Variants in GAB3 observed in about 807,000 individuals in gnomAD.
GAB3 encodes GRB2 associated binding protein 3.
Under a neutral mutation model 40.4 loss-of-function variants are expected in GAB3, and 12 were observed. The observed-to-expected ratio is 0.30, with a 90% CI of 0.19 to 0.48. The LOEUF (loss-of-function observed/expected upper bound fraction) is 0.48, where lower values mean the gene tolerates loss of function less well. Among genes scored for constraint, GAB3 ranks in the 20% least tolerant of loss-of-function variants. GAB3 has a pLI of 0.99. For synonymous variants in GAB3, 154 were observed against 176.7 expected (o/e 0.87, Z 1.02); for missense variants, 381 against 461.9 (o/e 0.82, Z 1.61).
intron 1 of GAB3, among the ~76,000 whole-genome samples, chrX:154,741,639 G>A (rs1557261308): frequency 1.0e-5 from 1 of 95,340 alleles, no homozygotes; most frequent in East Asian, 3.2e-4. Context: ...TCATGTCACT[G>A]CACTCTAGCC....
chrX:154,745,636 A>C (rs1438890239), intron 1 of GAB3, among the ~76,000 whole-genome samples: 3 of 112,393 alleles, frequency 2.7e-5, no homozygotes, highest in African/African-American at 9.7e-5. Context: ...AAGGGAACAT[A>C]ATGAACAACT....
At chrX:154,707,896 A>G (rs782302175) in intron 4 of GAB3, among the ~76,000 whole-genome samples, 2 of 112,644 alleles carry the variant, frequency 1.8e-5, no homozygotes, top group African/African-American at 6.4e-5. Flanking sequence ...ACAGTTGACA[A>G]TAACATAAAA....
At chrX:154,716,812 A>G (rs1276720431) in intron 1 of GAB3, among the ~76,000 whole-genome samples, 11 of 111,968 alleles carry the variant, frequency 9.8e-5, no homozygotes, top group African/African-American at 3.3e-4. Flanking sequence ...AAGAAGGAAA[A>G]TCATACACAT....
chrX:154,692,694 A>G (rs1363870585), intron 8 of GAB3, among the ~76,000 whole-genome samples: 1 of 112,036 alleles, frequency 8.9e-6, no homozygotes, highest in Non-Finnish European at 1.9e-5. Context: ...AGGCTGAGGC[A>G]GGAGGATTGC....
chrX:154,678,073 G>A lies in GAB3; in HGVS notation c.*105C>T. On this transcript the variant is annotated 3_prime_UTR_variant, in exon 10 of 10. Transcript: ENST00000424127. ...ACATTCTCTCTTGGTTTTGACCTGT[G>A]TTGACCATCAGTGTGTTTTTAGTGG... The A allele has an allele frequency of 2.1e-6, 1 of 466,245 alleles. No homozygotes were observed. The highest frequency in any genetic ancestry group is 3.7e-6 in the Non-Finnish European group (1 of 270,058). 38.4% of individuals were successfully genotyped at this position (466,245 alleles called of 1,213,427 possible).
At chrX:154,718,464 T>C (rs1370126030) in intron 1 of GAB3, among the ~76,000 whole-genome samples, 2 of 111,526 alleles carry the variant, frequency 1.8e-5, no homozygotes, top group African/African-American at 6.5e-5. Flanking sequence ...TCCATGTTTT[T>C]AAGACAGGAA....
chrX:154,722,636 A>G (rs2071152069), intron 1 of GAB3, among the ~76,000 whole-genome samples: 1 of 112,396 alleles, frequency 8.9e-6, no homozygotes, highest in African/African-American at 3.2e-5. Context: ...ATATCTATGG[A>G]TTAAATGATA....
intron 1 of GAB3, among the ~76,000 whole-genome samples, chrX:154,720,423 G>A (rs1468819218): frequency 3.6e-5 from 4 of 110,497 alleles, no homozygotes; most frequent in Admixed American, 9.6e-5. Flanking sequence ...TCAGGAGATC[G>A]AGACCATCCT....
chrX:154,751,217 G>A (rs1372209429), upstream of GAB3: 26 of 239,443 alleles, frequency 1.1e-4, no homozygotes, highest in Admixed American at 7.0e-4. Flanking sequence ...CCAAGACGGC[G>A]GGAAAAGCAA....
At chrX:154,682,085 C>T (rs782439729) in intron 8 of GAB3, among the ~76,000 whole-genome samples, 3 of 112,050 alleles carry the variant, frequency 2.7e-5, no homozygotes, top group Admixed American at 1.9e-4. Flanking sequence ...TTAGGTTTAT[C>T]GCTAAATGCC....
At chrX:154,743,471 CTT>C (rs1345997839) in intron 1 of GAB3, among the ~76,000 whole-genome samples, 1 of 111,554 alleles carries the variant, frequency 9.0e-6, no homozygotes, top group Admixed American at 9.5e-5. Flanking sequence ...AGTTTTTTCT[CTT>C]TGTTTTAATT....
intron 8 of GAB3, 49 bp from the exon 9 acceptor site, chrX:154,680,297 G>T: frequency 1.0e-6 from 1 of 952,939 alleles, no homozygotes; most frequent in Non-Finnish European, 1.5e-6. Context: ...TATCTTGGTT[G>T]CTCAAGGGAA....
intron 1 of GAB3, among the ~76,000 whole-genome samples, chrX:154,745,272 C>T (rs2071508620): frequency 9.2e-6 from 1 of 108,468 alleles, no homozygotes. Flanking sequence ...GCAGAGGTTG[C>T]AGTGAGCTAA....
chrX:154,733,979 G>C (rs2071330324), intron 1 of GAB3, among the ~76,000 whole-genome samples: 1 of 112,324 alleles, frequency 8.9e-6, no homozygotes, highest in Non-Finnish European at 1.9e-5. Context: ...ACTTTGAAGA[G>C]TGTACCTTTT....
rs141745744 is a variant in GAB3 at position 154,695,795 on chromosome X, C to T, written c.1530+122G>A. The T allele has an allele frequency of 1.9e-3, 755 of 397,066 alleles. 12 individuals carry two copies. The Admixed American group carries it at 0.021, about 11-fold the overall frequency. The allele number at this position is 397,066 out of a possible 1,213,427, so 32.7% of individuals were successfully genotyped here. On this transcript the variant is annotated intron_variant, in intron 8 of 9. Transcript: ENST00000424127. ...TAGAAAAGCTTGTGGCCTGGTTTTA[C>T]GATCAAGTGGTTGTTTTAAAATTGC...
intron 1 of GAB3, among the ~76,000 whole-genome samples, chrX:154,741,201 A>G (rs1557261187): frequency 1.8e-5 from 2 of 111,577 alleles, no homozygotes; most frequent in African/African-American, 6.5e-5. Context: ...TTCACCTTCC[A>G]CCATGATTGT....
intron 2 of GAB3, among the ~76,000 whole-genome samples, chrX:154,715,323 C>A (rs1353236918): frequency 9.0e-6 from 1 of 111,075 alleles, no homozygotes; most frequent in Non-Finnish European, 1.9e-5. Flanking sequence ...GGCTCAACAA[C>A]AAAATCCATG....
chrX:154,694,708 CACA>C (rs2070628773), intron 8 of GAB3, among the ~76,000 whole-genome samples: 1 of 112,389 alleles, frequency 8.9e-6, no homozygotes, highest in East Asian at 2.8e-4. Context: ...TGATCTTTCT[CACA>C]ACATCAAAGA....
At chrX:154,707,902 T>C (rs1378226518) in intron 4 of GAB3, among the ~76,000 whole-genome samples, 1 of 111,868 alleles carries the variant, frequency 8.9e-6, no homozygotes, top group Non-Finnish European at 1.9e-5. Context: ...GACAATAACA[T>C]AAAAAATAGC....
Sources: gnomAD v4.1 joint callset for allele counts (sites outside exome capture counted in the v4.1 genomes callset) on GRCh38, gnomAD v4.1.1 for gene constraint, MANE v1.5 for transcripts, NCBI Gene and HGNC (gene_info 2026-07-23, HGNC 2026-07-21) for gene names.